Variants in HDAC9 observed in about 807,000 individuals in gnomAD.
The protein encoded by HDAC9 is MEF-2 interacting transcription repressor (MITR) protein.
A neutral mutation model predicts 139.4 loss-of-function variants in HDAC9; 41 were observed. That is an observed-to-expected ratio of 0.29 (90% CI 0.23 to 0.38). The LOEUF (loss-of-function observed/expected upper bound fraction) is 0.38, where lower values mean the gene tolerates loss of function less well. Among genes scored for constraint, HDAC9 ranks in the 10% least tolerant of loss-of-function variants. The probability of loss-of-function intolerance (pLI) is 1.00; values close to 1 mark genes in which losing one functional copy is unlikely to be tolerated. For missense variants in HDAC9, 1,147 were observed against 1,297.0 expected (o/e 0.88, Z 1.78); for synonymous variants, 517 against 476.2 (o/e 1.09, Z -1.12).
At chr7:18,411,676 G>A (rs1788566694) in intron 1 of HDAC9, among the ~76,000 whole-genome samples, 1 of 151,708 alleles carries the variant, frequency 6.6e-6, no homozygotes, top group African/African-American at 2.4e-5. Context: ...TGCCCAGCTA[G>A]CTTTTTAAAA....
chr7:18,497,842 A>G (rs1797336855), intron 2 of HDAC9, among the ~76,000 whole-genome samples: 1 of 152,130 alleles, frequency 6.6e-6, no homozygotes, highest in Non-Finnish European at 1.5e-5. Context: ...AGAAACATAC[A>G]TGCCTTCCAA....
chr7:18,091,602 A>G (rs1306163557), intron 1 of HDAC9, among the ~76,000 whole-genome samples: 1 of 152,240 alleles, frequency 6.6e-6, no homozygotes, highest in Non-Finnish European at 1.5e-5. Context: ...TGTGTAACAC[A>G]TTTCCACAAA....
At chr7:18,261,780 T>G (rs1258464679) in intron 2 of HDAC9, among the ~76,000 whole-genome samples, 1 of 152,220 alleles carries the variant, frequency 6.6e-6, no homozygotes, top group African/African-American at 2.4e-5. Context: ...AAAAGGCATA[T>G]TCCCTTTGTT....
chr7:18,367,906 C>G (rs1784310242), intron 1 of HDAC9, among the ~76,000 whole-genome samples: 1 of 152,018 alleles, frequency 6.6e-6, no homozygotes, highest in African/African-American at 2.4e-5. Context: ...TTTGCACTTT[C>G]CTGATTAGCA....
At chr7:18,805,679 C>T (rs145158116) in intron 17 of HDAC9, among the ~76,000 whole-genome samples, 1 of 152,208 alleles carries the variant, frequency 6.6e-6, no homozygotes, top group Non-Finnish European at 1.5e-5. Context: ...CATGACGCAT[C>T]TCAGTGAACT....
intron 22 of HDAC9, among the ~76,000 whole-genome samples, chr7:18,909,835 G>C (rs1345756174): frequency 1.3e-5 from 2 of 151,898 alleles, no homozygotes; most frequent in African/African-American, 4.8e-5. Flanking sequence ...TTATGCCACT[G>C]CCAAGATATG....
At chr7:18,403,697 G>A (rs1787751904) in intron 1 of HDAC9, among the ~76,000 whole-genome samples, 2 of 152,178 alleles carry the variant, frequency 1.3e-5, no homozygotes, top group South Asian at 4.1e-4. Context: ...CTATGTCCAA[G>A]GTTCTGATCT....
upstream of HDAC9, among the ~76,000 whole-genome samples, chr7:18,288,655 G>C (rs187966055): frequency 3.3e-3 from 507 of 152,256 alleles, 5 homozygotes; most frequent in Middle Eastern, 0.024. Flanking sequence ...CTTTGTGTTA[G>C]GTTAGTAAAA....
At chr7:18,633,472 A>AT (rs948291467) in intron 7 of HDAC9, among the ~76,000 whole-genome samples, 1 of 152,012 alleles carries the variant, frequency 6.6e-6, no homozygotes, top group African/African-American at 2.4e-5. Context: ...TCCTTTTAGG[A>AT]TTTTTTTAAG....
intron 11 of HDAC9, among the ~76,000 whole-genome samples, chr7:18,661,428 G>A (rs1057470986): frequency 2.6e-5 from 4 of 152,076 alleles, no homozygotes; most frequent in African/African-American, 9.7e-5. Context: ...GCTCAGGGGA[G>A]AGATTGGAAT....
chr7:18,804,844 G>A (rs1793576830), intron 17 of HDAC9, among the ~76,000 whole-genome samples: 1 of 152,142 alleles, frequency 6.6e-6, no homozygotes, highest in Non-Finnish European at 1.5e-5. Flanking sequence ...ACCCAGGCTG[G>A]TGTGCAGGGG....
chr7:18,797,584 T>C (rs1792912959), intron 17 of HDAC9, among the ~76,000 whole-genome samples: 1 of 152,070 alleles, frequency 6.6e-6, no homozygotes, highest in African/African-American at 2.4e-5. Context: ...TCCCAGCACT[T>C]TGGGAGGCTG....
intron 12 of HDAC9, among the ~76,000 whole-genome samples, chr7:18,711,324 C>T (rs532327868): frequency 1.4e-4 from 21 of 152,320 alleles, no homozygotes; most frequent in Admixed American, 9.8e-4. Context: ...CAACCCACTG[C>T]TGCAACTCTG....
chr7:18,576,724 A>T (rs562250805), intron 2 of HDAC9, among the ~76,000 whole-genome samples: 1 of 151,914 alleles, frequency 6.6e-6, no homozygotes, highest in Non-Finnish European at 1.5e-5. Flanking sequence ...AAGAGAGAGG[A>T]GTCACTATCA....
intron 1 of HDAC9, among the ~76,000 whole-genome samples, chr7:18,456,460 T>C (rs1359679148): frequency 6.6e-6 from 1 of 152,146 alleles, no homozygotes; most frequent in Admixed American, 6.6e-5. Flanking sequence ...GATCTCGAAC[T>C]CTTGACCTCA....
In HDAC9 at chr7:18,539,931, G is replaced by A. The variant is rs1382373813; in HGVS notation, c.22+43607G>A. The stretch of plus-strand genomic sequence containing the variant: ...TAAAAGAAACAAATGTCAATGGGAA[G>A]CATAAGTACTTTTTATAGTAAATAA... On this transcript the variant is annotated intron_variant, in intron 2 of 25. Coordinates refer to ENST00000686413, the MANE Select transcript of HDAC9 (RefSeq NM_178425.4). Among the ~76,000 whole-genome samples, 4 of 152,002 alleles carry A rather than the reference G, an allele frequency of 2.6e-5. No individual in the cohort carries two copies. The East Asian group carries it at 5.8e-4, about 22-fold the overall frequency.
intron 1 of HDAC9, among the ~76,000 whole-genome samples, chr7:18,149,198 A>G (rs1303101134): frequency 6.6e-6 from 1 of 151,704 alleles, no homozygotes; most frequent in African/African-American, 2.4e-5. Context: ...TGTCTTTTTT[A>G]TTTATTGCCT....
chr7:18,358,435 G>T (rs1304016910), intron 1 of HDAC9, among the ~76,000 whole-genome samples: 1 of 152,026 alleles, frequency 6.6e-6, no homozygotes, highest in Non-Finnish European at 1.5e-5. Flanking sequence ...ATGATTAGTG[G>T]GATATTTAAA....
intron 24 of HDAC9, among the ~76,000 whole-genome samples, chr7:18,964,519 A>G (rs1783725272): frequency 6.6e-6 from 1 of 152,224 alleles, no homozygotes; most frequent in Admixed American, 6.5e-5. Context: ...AATGCTTGGT[A>G]GGTAATAAAA....
Sources: gnomAD v4.1 joint callset for allele counts (sites outside exome capture counted in the v4.1 genomes callset) on GRCh38, gnomAD v4.1.1 for gene constraint, MANE v1.5 for transcripts, NCBI Gene and HGNC (gene_info 2026-07-23, HGNC 2026-07-21) for gene names.